Variants in FNDC3B observed in about 807,000 individuals in gnomAD.
The protein encoded by FNDC3B is fibronectin type III domain containing 3B.
In FNDC3B, 12 loss-of-function variants were observed where a neutral mutation model predicts 151.5. The ratio of observed to expected loss-of-function variants is 0.08; its 90% CI spans 0.05 to 0.13. The LOEUF (loss-of-function observed/expected upper bound fraction) is 0.13, where lower values mean the gene tolerates loss of function less well. Among genes scored for constraint, FNDC3B ranks in the 10% least tolerant of loss-of-function variants. The pLI is 1.00. For missense variants in FNDC3B, 1,214 were observed against 1,505.3 expected (o/e 0.81, Z 3.20); for synonymous variants, 528 against 549.0 (o/e 0.96, Z 0.54).
chr3:172,243,955 G>T lies in FNDC3B; in HGVS notation c.265-3578G>T, dbSNP rs903433988. On this transcript the variant is annotated intron_variant, in intron 4 of 25. Coordinates refer to ENST00000415807, the MANE Select transcript of FNDC3B (RefSeq NM_022763.4). ...CAAGGCTCTATGCTTCTCTGGAGAGGATATGTGAGTGACAGTTCTGTTGGG... is the reference window on the plus strand; with the variant it reads ...CAAGGCTCTATGCTTCTCTGGAGAGTATATGTGAGTGACAGTTCTGTTGGG... Among the ~76,000 whole-genome samples, 15 of 152,190 alleles carry T rather than the reference G, an allele frequency of 9.9e-5. No homozygotes were observed. In the South Asian group the frequency reaches 3.1e-3, roughly 32 times the overall value.
At chr3:172,309,721 C>G (rs1397954689) in intron 10 of FNDC3B, among the ~76,000 whole-genome samples, 1 of 152,142 alleles carries the variant, frequency 6.6e-6, no homozygotes, top group Non-Finnish European at 1.5e-5. Flanking sequence ...TATTACTAAC[C>G]ATAATAGAGC....
At position 172,322,165 on chromosome 3, in the gene FNDC3B, A is replaced by G. The variant is rs1444748671; in HGVS notation, c.1255-6787A>G. ...GGGAGTGGCATCTCTGTGCTCTATC[A>G]TATCTAGAGTTTCAGCGAGGAGGGC... is the stretch of plus-strand genomic sequence containing the variant. On this transcript the variant is annotated intron_variant, in intron 11 of 25. Coordinates refer to ENST00000415807, the MANE Select transcript of FNDC3B (RefSeq NM_022763.4). 2.6e-5 allele frequency among the ~76,000 whole-genome samples: 4 copies of G among 152,152 alleles called. No homozygotes were observed. The East Asian group carries it at 7.7e-4, about 29-fold the overall frequency.
At position 172,086,399 on chromosome 3, in the gene FNDC3B, A is replaced by G. The variant is rs1020108219; in HGVS notation, c.-28-26053A>G. Among the ~76,000 whole-genome samples the G allele has an allele frequency of 2.0e-5, 3 of 152,094 alleles. No individual in the cohort carries two copies. In the East Asian group the frequency reaches 5.8e-4, roughly 29 times the overall value. Reference sequence around the variant, plus strand: ...CTCTGCTTCCCTTTTAATATAAAGAACAAATGGCATATGCTTCCAAGGGTA... The same window carrying G: ...CTCTGCTTCCCTTTTAATATAAAGAGCAAATGGCATATGCTTCCAAGGGTA... On this transcript the variant is annotated intron_variant, in intron 1 of 25. Coordinates refer to ENST00000415807, the MANE Select transcript of FNDC3B (RefSeq NM_022763.4).
chr3:172,039,992 C>T (rs1346754698), intron 1 of FNDC3B, among the ~76,000 whole-genome samples: 2 of 152,036 alleles, frequency 1.3e-5, no homozygotes, highest in Non-Finnish European at 2.9e-5. Context: ...GAGGGGGCGG[C>T]CCCCGCCTTG....
intron 22 of FNDC3B, among the ~76,000 whole-genome samples, chr3:172,362,237 G>A (rs1016415439): frequency 1.1e-4 from 16 of 152,164 alleles, no homozygotes; most frequent in African/African-American, 3.9e-4. Flanking sequence ...GACTCTGAAG[G>A]AGACTCATTT....
intron 3 of FNDC3B, among the ~76,000 whole-genome samples, chr3:172,198,050 A>G (rs966677881): frequency 6.6e-6 from 1 of 152,230 alleles, no homozygotes; most frequent in African/African-American, 2.4e-5. Flanking sequence ...TGGGTTATAT[A>G]TAATACATTA....
intron 1 of FNDC3B, among the ~76,000 whole-genome samples, chr3:172,085,551 A>C (rs1397049306): frequency 6.6e-6 from 1 of 152,200 alleles, no homozygotes; most frequent in African/African-American, 2.4e-5. Context: ...AGAAATATTC[A>C]GCCATGTTTT....
rs549824108 is a variant in FNDC3B at position 172,069,164 on chromosome 3, C to T, written c.-29+29393C>T. ...CAATTTACTTGACCTGGTAACCTCCCGGTGAGTTTCGCCAGGGCTTCCAGT... is the reference window on the plus strand; with the variant it reads ...CAATTTACTTGACCTGGTAACCTCCTGGTGAGTTTCGCCAGGGCTTCCAGT... On this transcript the variant is annotated intron_variant, in intron 1 of 25. Transcript: ENST00000415807. 1.4e-4 allele frequency among the ~76,000 whole-genome samples: 22 copies of T among 152,276 alleles called. No individual in the cohort carries two copies. In the South Asian group the frequency reaches 2.5e-3, roughly 17 times the overall value.
chr3:172,157,922 GC>G (rs551170024), intron 3 of FNDC3B, among the ~76,000 whole-genome samples: 132 of 152,266 alleles, frequency 8.7e-4, no homozygotes, highest in Middle Eastern at 6.8e-3. Context: ...AAGAGGTGGG[GC>G]CTTTGGGGGC....
intron 10 of FNDC3B, among the ~76,000 whole-genome samples, chr3:172,309,594 T>C (rs1298088088): frequency 1.3e-5 from 2 of 152,110 alleles, no homozygotes; most frequent in South Asian, 4.1e-4. Flanking sequence ...AGCACTCACC[T>C]GAGATCCGAG....
chr3:172,134,759 C>T (rs1721278499), intron 3 of FNDC3B, among the ~76,000 whole-genome samples: 2 of 151,906 alleles, frequency 1.3e-5, no homozygotes, highest in Admixed American at 6.6e-5. Flanking sequence ...TTAATGATTT[C>T]TACTCTGCAT....
At chr3:172,388,471 A>T (rs2293236) in intron 25 of FNDC3B, among the ~76,000 whole-genome samples, 22,263 of 152,288 alleles carry the variant, frequency 0.15, 1,838 homozygotes, top group South Asian at 0.21. Context: ...CAATAAAAAA[A>T]ATCTCAAATG....
intron 1 of FNDC3B, among the ~76,000 whole-genome samples, chr3:172,073,690 A>G (rs1041889412): frequency 2.6e-5 from 4 of 152,214 alleles, no homozygotes; most frequent in Non-Finnish European, 5.9e-5. Context: ...TTCAAAGAGC[A>G]GATCAGCATT....
intron 11 of FNDC3B, among the ~76,000 whole-genome samples, chr3:172,320,403 GAGA>G (rs1407961849): frequency 6.6e-6 from 1 of 151,912 alleles, no homozygotes. Flanking sequence ...AAATCTGAAA[GAGA>G]AGGAGGACAG....
intron 1 of FNDC3B, among the ~76,000 whole-genome samples, chr3:172,068,668 A>C (rs1576833619): frequency 6.6e-6 from 1 of 151,998 alleles, no homozygotes. Context: ...CAGATGATCC[A>C]CCTGCCTCGG....
intron 1 of FNDC3B, among the ~76,000 whole-genome samples, chr3:172,046,437 G>A (rs1265953668): frequency 6.6e-6 from 1 of 151,746 alleles, no homozygotes; most frequent in Non-Finnish European, 1.5e-5. Context: ...TGATCCTTGA[G>A]TAGGGCTATA....
intron 1 of FNDC3B, among the ~76,000 whole-genome samples, chr3:172,103,247 T>A (rs1719460281): frequency 6.6e-6 from 1 of 152,204 alleles, no homozygotes; most frequent in Non-Finnish European, 1.5e-5. Flanking sequence ...GATGTGGATC[T>A]GAGGTCAAGA....
At chr3:172,332,007 G>C (rs2108290411) in intron 13 of FNDC3B, among the ~76,000 whole-genome samples, 1 of 152,282 alleles carries the variant, frequency 6.6e-6, no homozygotes, top group African/African-American at 2.4e-5. Context: ...GTTTCGCCTT[G>C]TTGTCCAGGC....
At chr3:172,371,307 GA>G (rs1734869257) in intron 23 of FNDC3B, among the ~76,000 whole-genome samples, 1 of 152,152 alleles carries the variant, frequency 6.6e-6, no homozygotes. Context: ...AAAAAAAGCA[GA>G]ACATGTTCAG....
Sources: allele counts gnomAD v4.1 joint callset (sites outside exome capture counted in the v4.1 genomes callset), GRCh38; gene constraint gnomAD v4.1.1; transcripts MANE v1.5; gene names NCBI Gene and HGNC (gene_info 2026-07-23, HGNC 2026-07-21).